CYP4F12: variants seen among roughly 807,000 people sequenced by gnomAD.
The protein encoded by CYP4F12 is cytochrome P450 family 4 subfamily F member 12, also known as cytochrome P450 4F12.
CYP4F12 carries 60 observed loss-of-function variants against 56.5 expected under a neutral mutation model. That is an observed-to-expected ratio of 1.06 (90% CI 0.86 to 1.32). The LOEUF (loss-of-function observed/expected upper bound fraction) is 1.32. Ranked by LOEUF, CYP4F12 falls within the 40% of genes most tolerant of loss-of-function variation. CYP4F12 has a pLI of 0.00. For synonymous variants in CYP4F12, 263 were observed against 264.9 expected (o/e 0.99, Z 0.07); for missense variants, 711 against 683.5 (o/e 1.04, Z -0.45).
intron 3 of CYP4F12, among the ~76,000 whole-genome samples, chr19:15,679,865 G>A (rs2144719136): frequency 6.6e-6 from 1 of 152,328 alleles, no homozygotes; most frequent in Admixed American, 6.5e-5. Context: ...GTACACAGAG[G>A]TCATGTCAGA....
chr19:15,683,844 C>G, intron 7 of CYP4F12, 81 bp downstream of exon 7: 2 of 1,472,020 alleles, frequency 1.4e-6, no homozygotes, highest in Non-Finnish European at 1.8e-6. Flanking sequence ...TGGTTTTGAT[C>G]CAAAGGGCAC....
In CYP4F12 at chr19:15,679,043, C is replaced by T. The variant is rs147519484; in HGVS notation, c.343+638C>T. ...TTCAGGATTCTCCAATAGGAGAACC[C>T]ACACCAGCTGCTTGACCTCCCCTTG... On this transcript the variant is annotated intron_variant, in intron 3 of 12. Transcript: ENST00000550308. Among the ~76,000 whole-genome samples the T allele has an allele frequency of 2.6e-5, 4 of 152,288 alleles. No homozygotes were observed. In the East Asian group the frequency reaches 7.7e-4, roughly 29 times the overall value.
At chr19:15,685,921 C>T (rs2007579855) in intron 9 of CYP4F12, among the ~76,000 whole-genome samples, 1 of 152,234 alleles carries the variant, frequency 6.6e-6, no homozygotes, top group Non-Finnish European at 1.5e-5. Flanking sequence ...AGAACACCTG[C>T]ATCGTTCATC....
At chr19:15,678,233 G>T in intron 2 of CYP4F12, 28 bp from the exon 3 acceptor site, 1 of 1,613,940 alleles carries the variant, frequency 6.2e-7, no homozygotes, top group Non-Finnish European at 8.5e-7. Flanking sequence ...ACCATCACAG[G>T]AAGTGACAGC....
At position 15,683,542 on chromosome 19, in the gene CYP4F12, G is replaced by C. The variant is rs144487735; in HGVS notation, c.697G>C (p.Glu233Gln). ...CATCTTGGAGCTCAGTGCCCTTGTA[G>C]AGAAAAGAAGCCAGCATATCCTCCA... is the stretch of plus-strand genomic sequence containing the variant. Reference protein sequence around the residue: ...ATILELSALVEKRSQHILQHM... With the variant: ...ATILELSALVQKRSQHILQHM... Residue 233 changes from glutamate to glutamine, a missense_variant, in exon 7 of 13, where the codon GAG (glutamate) becomes CAG (glutamine). Physicochemically the swap from Glu to Gln is conservative, Grantham distance 29. Transcript: ENST00000550308. The C allele has an allele frequency of 1.7e-3, 2,686 of 1,613,226 alleles. 34 individuals are homozygous for C. The African/African-American group carries it at 0.031, about 19-fold the overall frequency.
At chr19:15,680,558 G>C (rs775310967) in intron 5 of CYP4F12, 39 bp downstream of exon 5, 1 of 1,613,840 alleles carries the variant, frequency 6.2e-7, no homozygotes, top group South Asian at 1.1e-5. Flanking sequence ...TGGAGTCTTG[G>C]GGTGGAGGGA....
At chr19:15,688,444 C>T (rs2007723000) in intron 9 of CYP4F12, among the ~76,000 whole-genome samples, 1 of 151,966 alleles carries the variant, frequency 6.6e-6, no homozygotes, top group Non-Finnish European at 1.5e-5. Flanking sequence ...CAAAACAGTG[C>T]TGGACAAAAC....
chr19:15,689,037 G>T (rs1488404055), intron 9 of CYP4F12, among the ~76,000 whole-genome samples: 2 of 152,104 alleles, frequency 1.3e-5, no homozygotes, highest in Admixed American at 6.5e-5. Context: ...CCTAGGCAAA[G>T]AATTCGTGAC....
chr19:15,675,539 C>G (rs1286903098), intron 2 of CYP4F12, among the ~76,000 whole-genome samples: 1 of 152,236 alleles, frequency 6.6e-6, no homozygotes, highest in Non-Finnish European at 1.5e-5. Context: ...CTGCTGCCCA[C>G]AAACCTCCTT....
At chr19:15,694,164 C>G (rs907907164) in intron 9 of CYP4F12, among the ~76,000 whole-genome samples, 4 of 151,134 alleles carry the variant, frequency 2.6e-5, no homozygotes, top group Middle Eastern at 3.4e-3. Context: ...ATTGACTTGG[C>G]GATGCGGGCT....
At chr19:15,695,231 T>A (rs1448736011) in intron 9 of CYP4F12, among the ~76,000 whole-genome samples, 1 of 151,740 alleles carries the variant, frequency 6.6e-6, no homozygotes, top group Non-Finnish European at 1.5e-5. Flanking sequence ...AAATCATCAT[T>A]CTCAGTAAAC....
chr19:15,677,089 C>T (rs1392615422), intron 2 of CYP4F12, among the ~76,000 whole-genome samples: 1 of 117,704 alleles, frequency 8.5e-6, no homozygotes, highest in African/African-American at 3.0e-5. Context: ...ACTCATTCCT[C>T]TCCTCACTCA....
chr19:15,677,854 CCTCACTCATTCCTCTCCTCA>C (rs1243996580), intron 2 of CYP4F12, among the ~76,000 whole-genome samples: 40 of 1,324 alleles, frequency 0.03, 20 homozygotes. Flanking sequence ...TTATTCTTCT[CCTCACTCATTCCTCTCCTCA>C]CTCACTCATT....
At position 15,687,044 on chromosome 19, in the gene CYP4F12, G is replaced by A. The variant is rs140307770; in HGVS notation, c.1115+1847G>A. Among the ~76,000 whole-genome samples the A allele has an allele frequency of 7.6e-3, 1,151 of 152,276 alleles. 52 individuals are homozygous for A. The highest frequency in any genetic ancestry group is 0.065 in the Admixed American group (1,002 of 15,304). On this transcript the variant is annotated intron_variant, in intron 9 of 12. Transcript: ENST00000550308. ...TGTAATCCCAGCACTTTGGAAGGCC[G>A]AGGCGGGCGGATCACGAGGTCAGGA...
intron 5 of CYP4F12, 49 bp from the exon 6 acceptor site, chr19:15,682,340 C>T (rs2144727885): frequency 6.2e-7 from 1 of 1,603,830 alleles, no homozygotes; most frequent in East Asian, 2.2e-5. Context: ...TGGGGAGGGG[C>T]ACAAAGGAGG....
At chr19:15,682,349 G>T (rs1329923246) in intron 5 of CYP4F12, 40 bp from the exon 6 acceptor site, 1 of 1,607,282 alleles carries the variant, frequency 6.2e-7, no homozygotes, top group Non-Finnish European at 8.5e-7. Context: ...GCACAAAGGA[G>T]GCAGGGCCCA....
At position 15,678,394 on chromosome 19, in the gene CYP4F12, C is replaced by G. The variant is rs752033445; in HGVS notation, c.332C>G (p.Thr111Ser). 6.2e-7 allele frequency: 1 copy of G among 1,614,156 alleles called. No homozygotes were observed. The highest frequency in any genetic ancestry group is 8.5e-7 in the Non-Finnish European group (1 of 1,180,020). Residue 111 changes from threonine (T) to serine (S), a missense_variant, in exon 3 of 13, where the codon ACC (threonine) becomes AGC (serine). Thr to Ser is a moderately conservative substitution (Grantham distance 58, BLOSUM62 1). Transcript: ENST00000550308. ...LCHPDTIRSI[T>S]NASAAIAPKD... is the part of the protein sequence containing the mutation. ...CACCCTGACACCATCCGGTCTATCACCAATGCCTCAGGTACCCATGCAGAG... is the reference window on the plus strand; with the variant it reads ...CACCCTGACACCATCCGGTCTATCAGCAATGCCTCAGGTACCCATGCAGAG...
chr19:15,685,338 G>A, intron 9 of CYP4F12, 141 bp downstream of exon 9: 1 of 1,353,112 alleles, frequency 7.4e-7, no homozygotes, highest in South Asian at 1.6e-5. Flanking sequence ...GGCAGGGCTT[G>A]ATACCAAGCC....
chr19:15,680,704 A>T (rs1335418778), intron 5 of CYP4F12, 185 bp downstream of exon 5: 3 of 755,034 alleles, frequency 4.0e-6, no homozygotes, highest in Non-Finnish European at 4.5e-6. Context: ...TACTTGGCAC[A>T]CAGTAGGTTC....
Sources: gnomAD v4.1 joint callset for allele counts (sites outside exome capture counted in the v4.1 genomes callset) on GRCh38, gnomAD v4.1.1 for gene constraint, MANE v1.5 for transcripts, NCBI Gene and HGNC (gene_info 2026-07-23, HGNC 2026-07-21) for gene names.